NMT1: variants seen among roughly 807,000 people sequenced by gnomAD.
NMT1 encodes N-myristoyltransferase 1, also known as glycylpeptide N-tetradecanoyltransferase 1.
Under a neutral mutation model 63.4 loss-of-function variants are expected in NMT1, and 12 were observed. The observed-to-expected ratio is 0.19, with a 90% CI of 0.12 to 0.31. The LOEUF is 0.31. Among genes scored for constraint, NMT1 ranks in the 10% least tolerant of loss-of-function variants. The pLI, the probability that NMT1 is intolerant of heterozygous loss-of-function variation, is 1.00. For missense variants in NMT1, 432 were observed against 634.6 expected (o/e 0.68, Z 3.43); for synonymous variants, 228 against 234.3 (o/e 0.97, Z 0.25).
chr17:45,065,699 G>A (rs895407591), intron 1 of NMT1, among the ~76,000 whole-genome samples: 2 of 150,040 alleles, frequency 1.3e-5, no homozygotes, highest in African/African-American at 4.9e-5. Flanking sequence ...TTCCACTGTT[G>A]TGTGCTTTCC....
At chr17:45,083,426 G>A (rs1282431396) in intron 2 of NMT1, among the ~76,000 whole-genome samples, 3 of 151,952 alleles carry the variant, frequency 2.0e-5, no homozygotes, top group African/African-American at 7.3e-5. Context: ...ACACTTTGCT[G>A]TATGCCTCAA....
In NMT1 at chr17:45,104,743, G is replaced by A; in HGVS notation, c.1333-116G>A. On this transcript the variant is annotated intron_variant, in intron 10 of 11. Transcript: ENST00000258960. This position sits in a 1 kb window ranked among gnomAD's most constrained non-coding sequence, Gnocchi z 4.2. Reference sequence around the variant, plus strand: ...ACGTGGAAGCAGCGGAGCTTCTGAGGGAACCTTGTTCTTGTGGCTGCCCAC... The same window carrying A: ...ACGTGGAAGCAGCGGAGCTTCTGAGAGAACCTTGTTCTTGTGGCTGCCCAC... 1 of 1,528,316 alleles carries A rather than the reference G, an allele frequency of 6.5e-7. No individual in the cohort carries two copies. Among genetic ancestry groups the A allele is most frequent in the Admixed American group, 2.1e-5 (1 of 48,702 alleles). The allele number at this position is 1,528,316 out of a possible 1,614,324, so 94.7% of individuals were successfully genotyped here.
chr17:45,101,352 C>T (rs201981055), intron 8 of NMT1, among the ~76,000 whole-genome samples: 4 of 147,410 alleles, frequency 2.7e-5, no homozygotes, highest in Middle Eastern at 3.5e-3. Flanking sequence ...CTCAGGTGGG[C>T]GGTGGCTCAC....
chr17:45,069,266 A>AT (rs1429689155), intron 1 of NMT1, among the ~76,000 whole-genome samples: 2 of 109,792 alleles, frequency 1.8e-5, no homozygotes, highest in East Asian at 5.2e-4. Context: ...GCCAGACTTT[A>AT]TTTTTTATTA....
chr17:45,087,065 G>T lies in NMT1; in HGVS notation c.385+413G>T, dbSNP rs530952269. ...AGTCCCAGCTACTCAGGAGGCTGAG[G>T]TGGGAAGATCACTTGAACCTGGGAG... On this transcript the variant is annotated intron_variant, in intron 3 of 11. Transcript: ENST00000258960. 2.1e-4 allele frequency among the ~76,000 whole-genome samples: 32 copies of T among 152,088 alleles called. 2 individuals are homozygous for T. The highest frequency in any genetic ancestry group is 7.7e-4 in the African/African-American group (32 of 41,460).
chr17:45,103,046 G>C lies in NMT1; in HGVS notation c.1089G>C (p.Thr363=). Residue 363 remains threonine, a synonymous_variant, in exon 9 of 12, where the codon ACG becomes ACC. Transcript: ENST00000258960. This position sits in a 1 kb window ranked among gnomAD's most constrained non-coding sequence, Gnocchi z 4.8. ...GGTACTTGAAGCAATTTCACCTTACGCCCGTCATGAGCCAGGAGGAGGTGG... is the reference window on the plus strand; with the variant it reads ...GGTACTTGAAGCAATTTCACCTTACCCCCGTCATGAGCCAGGAGGAGGTGG... ...LTRYLKQFHL[T]PVMSQEEVEH... 6.2e-7 allele frequency: 1 copy of C among 1,614,018 alleles called. No individual in the cohort carries two copies. The highest frequency in any genetic ancestry group is 8.5e-7 in the Non-Finnish European group (1 of 1,179,952).
chr17:45,092,013 C>T (rs2054091791), intron 3 of NMT1, among the ~76,000 whole-genome samples: 1 of 152,044 alleles, frequency 6.6e-6, no homozygotes, highest in African/African-American at 2.4e-5. Flanking sequence ...AGAGCAAGAC[C>T]CCATCTCGCC....
At chr17:45,096,310 G>A in intron 5 of NMT1, 25 bp downstream of exon 5, 1 of 1,576,400 alleles carries the variant, frequency 6.3e-7, no homozygotes, top group Non-Finnish European at 8.7e-7. Flanking sequence ...CTTTCTTGAG[G>A]TTCTTGAGAG....
chr17:45,100,973 A>C (rs2054159697), intron 8 of NMT1, among the ~76,000 whole-genome samples: 1 of 148,118 alleles, frequency 6.8e-6, no homozygotes, highest in African/African-American at 2.5e-5. Flanking sequence ...CGAGGTCAGG[A>C]GATCGAGACC....
chr17:45,065,226 G>A (rs1326673533), intron 1 of NMT1, among the ~76,000 whole-genome samples: 5 of 152,096 alleles, frequency 3.3e-5, no homozygotes, highest in African/African-American at 1.2e-4. Context: ...TATTAGTGGA[G>A]TTTCATCTCC....
chr17:45,108,550 C>A lies in NMT1; in HGVS notation c.*2911C>A, dbSNP rs1293059007. 6.5e-6 allele frequency: 1 copy of A among 152,690 alleles called. No homozygotes were observed. The highest frequency in any genetic ancestry group is 1.5e-5 in the Non-Finnish European group (1 of 68,090). The allele number at this position is 152,690 out of a possible 1,614,324, so 9.5% of individuals were successfully genotyped here. A position where few individuals can be genotyped will look rare whatever the true frequency, so the allele number is the denominator to read the frequency against. ...TCCCCAAAGACGACCAGCATTTAAC[C>A]AACCTAAGGGCCCAAAGGCCTTGGA... On this transcript the variant is annotated 3_prime_UTR_variant, in exon 12 of 12. Coordinates refer to ENST00000258960, the MANE Select transcript of NMT1 (RefSeq NM_021079.5).
At chr17:45,087,738 C>G (rs1305503557) in intron 3 of NMT1, among the ~76,000 whole-genome samples, 1 of 152,178 alleles carries the variant, frequency 6.6e-6, no homozygotes, top group Non-Finnish European at 1.5e-5. Context: ...TTACTGCTCC[C>G]CTCCAGAAAC....
At chr17:45,063,395 G>A (rs2053880837) in intron 1 of NMT1, among the ~76,000 whole-genome samples, 1 of 152,144 alleles carries the variant, frequency 6.6e-6, no homozygotes. Context: ...ACAGGAAGAA[G>A]GGAAAGTGAA....
chr17:45,073,411 C>A (rs1208324522), intron 1 of NMT1, among the ~76,000 whole-genome samples: 1 of 150,910 alleles, frequency 6.6e-6, no homozygotes, highest in African/African-American at 2.4e-5. Flanking sequence ...GAGCAAGACT[C>A]TGTCTCAAAA....
chr17:45,103,906 A>ATG lies in NMT1; in HGVS notation c.1332+33_1332+34dup. On this transcript the variant is annotated intron_variant, in intron 10 of 11. Transcript: ENST00000258960. This position sits in a 1 kb window ranked among gnomAD's most constrained non-coding sequence, Gnocchi z 4.8. ...GGAGCAGACGGGGGGGTCTCTGGAG[A>ATG]TGTGCAGGGAAGAGGCAGTGGAGCC... is the stretch of plus-strand genomic sequence containing the variant. The ATG allele has an allele frequency of 8.1e-6, 13 of 1,611,278 alleles. No individual in the cohort carries two copies. Among genetic ancestry groups the ATG allele is most frequent in the Non-Finnish European group, 1.1e-5 (13 of 1,179,934 alleles).
Position 45,105,516 on chromosome 17 carries a change from G to T in NMT1, c.1471-103G>T, listed in dbSNP as rs2054196982. ...TGAGTCTGCTCCCACAGCACAGGCGGTGGACCCGGGCCCAGCCACTCGGAA... is the reference window on the plus strand; with the variant it reads ...TGAGTCTGCTCCCACAGCACAGGCGTTGGACCCGGGCCCAGCCACTCGGAA... On this transcript the variant is annotated intron_variant, in intron 11 of 11. Transcript: ENST00000258960. This position sits in a 1 kb window ranked among gnomAD's most constrained non-coding sequence, Gnocchi z 4.2. The T allele has an allele frequency of 7.7e-7, 1 of 1,304,714 alleles. No homozygotes were observed. The highest frequency in any genetic ancestry group is 1.5e-5 in the African/African-American group (1 of 68,410). The allele number at this position is 1,304,714 out of a possible 1,614,324, so 80.8% of individuals were successfully genotyped here. A position where few individuals can be genotyped will look rare whatever the true frequency, so the allele number is the denominator to read the frequency against.
chr17:45,069,002 C>A (rs2143454290), intron 1 of NMT1, among the ~76,000 whole-genome samples: 1 of 150,380 alleles, frequency 6.6e-6, no homozygotes, highest in Admixed American at 6.7e-5. Context: ...ACTCTGTCGC[C>A]CAGGCTGGAG....
At chr17:45,066,199 G>A (rs569675967) in intron 1 of NMT1, among the ~76,000 whole-genome samples, 6 of 152,136 alleles carry the variant, frequency 3.9e-5, no homozygotes, top group Admixed American at 3.9e-4. Context: ...GACTACAGGA[G>A]CACACTGCCA....
In NMT1 at chr17:45,098,506, G is replaced by T. The variant is rs772467109; in HGVS notation, c.838G>T (p.Val280Phe). 1 of 1,614,240 alleles carries T rather than the reference G, an allele frequency of 6.2e-7. No individual in the cohort carries two copies. Among genetic ancestry groups the T allele is most frequent in the Admixed American group, 1.7e-5 (1 of 60,030 alleles). The change falls in exon 7 of 12, where the codon GTT becomes TTT. Residue 280 changes from valine (V) to phenylalanine (F), a missense_variant. Val to Phe is a conservative substitution (Grantham distance 50). This residue lies in a region of NMT1 where 295 missense variants were observed against 489.7 expected (regional missense o/e 0.60). Coordinates refer to ENST00000258960, the MANE Select transcript of NMT1 (RefSeq NM_021079.5). ...TCACCTGGAGGGCATCTTCCAAGCAGTTTACACTGCCGGGGTGGTACTACC... is the reference window on the plus strand; with the variant it reads ...TCACCTGGAGGGCATCTTCCAAGCATTTTACACTGCCGGGGTGGTACTACC... ...RVHLEGIFQA[V>F]YTAGVVLPKP...
Sources: gnomAD v4.1 joint callset for allele counts (sites outside exome capture counted in the v4.1 genomes callset) on GRCh38, gnomAD v4.1.1 for gene constraint, gnomAD v4.1.1 regional missense constraint, Gnocchi (gnomAD v3.1) non-coding constraint, MANE v1.5 for transcripts, NCBI Gene and HGNC (gene_info 2026-07-23, HGNC 2026-07-21) for gene names.